The following NRG3 variants were observed in gnomAD, a reference collection of about 807,000 sequenced individuals.
NRG3 encodes pro-neuregulin-3, membrane-bound isoform.
In NRG3, 31 loss-of-function variants were observed where a neutral mutation model predicts 66.9. The observed-to-expected ratio is 0.46, with a 90% CI of 0.35 to 0.63. The LOEUF (loss-of-function observed/expected upper bound fraction) is 0.63. Among genes scored for constraint, NRG3 ranks in the 20% least tolerant of loss-of-function variants. The pLI is 0.00. For missense variants in NRG3, 910 were observed against 878.9 expected (o/e 1.04, Z -0.45); for synonymous variants, 393 against 359.4 (o/e 1.09, Z -1.06).
intron 1 of NRG3, among the ~76,000 whole-genome samples, chr10:82,009,815 G>A (rs780577147): frequency 6.6e-6 from 1 of 152,192 alleles, no homozygotes; most frequent in African/African-American, 2.4e-5. Flanking sequence ...CCTCCTTTGG[G>A]CATTTGCCTT....
At chr10:82,049,309 TC>T (rs1478504576) in intron 1 of NRG3, among the ~76,000 whole-genome samples, 1 of 152,106 alleles carries the variant, frequency 6.6e-6, no homozygotes, top group African/African-American at 2.4e-5. Context: ...AGAGGACCCT[TC>T]ATCATTTTCA....
At chr10:81,905,217 C>T (rs761845463) in intron 1 of NRG3, among the ~76,000 whole-genome samples, 3 of 152,318 alleles carry the variant, frequency 2.0e-5, no homozygotes, top group Middle Eastern at 3.4e-3. Context: ...AACCACTCTT[C>T]GTTTTTTTCC....
chr10:82,740,014 T>A (rs111333990), intron 3 of NRG3, among the ~76,000 whole-genome samples: 1 of 151,778 alleles, frequency 6.6e-6, no homozygotes. Flanking sequence ...CTCTCTTTTT[T>A]CCTCACTTTT....
At chr10:82,315,871 G>C (rs977955266) in intron 1 of NRG3, among the ~76,000 whole-genome samples, 1 of 151,976 alleles carries the variant, frequency 6.6e-6, no homozygotes, top group Non-Finnish European at 1.5e-5. Context: ...TCACCATGTG[G>C]CCAGGCTGGT....
intron 2 of NRG3, among the ~76,000 whole-genome samples, chr10:82,659,654 G>A (rs2219937): frequency 0.075 from 11,334 of 151,652 alleles, 1,104 homozygotes; most frequent in African/African-American, 0.23. Flanking sequence ...TCCGTCTCCA[G>A]CAAAACAAAG....
chr10:82,108,197 G>T (rs554821864), intron 1 of NRG3, among the ~76,000 whole-genome samples: 1 of 152,302 alleles, frequency 6.6e-6, no homozygotes, highest in Non-Finnish European at 1.5e-5. Context: ...TATTACAGAT[G>T]ATTTAGACTC....
intron 1 of NRG3, among the ~76,000 whole-genome samples, chr10:82,089,116 G>A (rs1156232746): frequency 6.6e-6 from 1 of 152,010 alleles, no homozygotes; most frequent in Non-Finnish European, 1.5e-5. Flanking sequence ...CCAGGTACAA[G>A]TCTACAGTTA....
intron 3 of NRG3, among the ~76,000 whole-genome samples, chr10:82,836,545 C>T (rs1328835570): frequency 2.0e-5 from 3 of 152,096 alleles, no homozygotes; most frequent in Non-Finnish European, 4.4e-5. Context: ...TAACTGAACA[C>T]AATACCTTTA....
intron 3 of NRG3, among the ~76,000 whole-genome samples, chr10:82,747,408 T>A (rs938236351): frequency 2.6e-5 from 4 of 152,064 alleles, no homozygotes; most frequent in Non-Finnish European, 4.4e-5. Flanking sequence ...TCCTAGATTT[T>A]GATATATTTT....
At chr10:82,237,218 C>A (rs1192044067) in intron 1 of NRG3, among the ~76,000 whole-genome samples, 4 of 152,226 alleles carry the variant, frequency 2.6e-5, no homozygotes, top group African/African-American at 7.2e-5. Flanking sequence ...ATGTCAGTAG[C>A]TTTTAAGACC....
chr10:82,930,670 G>T (rs1444305867), intron 4 of NRG3, among the ~76,000 whole-genome samples: 1 of 152,108 alleles, frequency 6.6e-6, no homozygotes, highest in Non-Finnish European at 1.5e-5. Flanking sequence ...TTCTTTTAGG[G>T]TATAGGAACA....
chr10:82,547,495 A>ATG (rs931952821), intron 2 of NRG3, among the ~76,000 whole-genome samples: 13 of 128,624 alleles, frequency 1.0e-4, no homozygotes, highest in South Asian at 2.2e-4. Flanking sequence ...GTATATACAT[A>ATG]TGTGTATATA....
At chr10:82,791,775 C>T (rs2060598113) in intron 3 of NRG3, among the ~76,000 whole-genome samples, 1 of 152,168 alleles carries the variant, frequency 6.6e-6, no homozygotes, top group Admixed American at 6.6e-5. Context: ...AGGCATCAGC[C>T]ACGTTAAACA....
intron 2 of NRG3, among the ~76,000 whole-genome samples, chr10:82,651,837 A>C (rs2133894674): frequency 6.6e-6 from 1 of 152,362 alleles, no homozygotes; most frequent in Non-Finnish European, 1.5e-5. Flanking sequence ...AAACCTGCTC[A>C]GTCCCAGTCA....
intron 4 of NRG3, among the ~76,000 whole-genome samples, chr10:82,887,104 C>T (rs186812432): frequency 6.6e-6 from 1 of 152,278 alleles, no homozygotes; most frequent in East Asian, 1.9e-4. Context: ...AGGTTCTACT[C>T]CTAGACGCTG....
chr10:82,509,725 A>T (rs889284545), intron 2 of NRG3, among the ~76,000 whole-genome samples: 1 of 152,178 alleles, frequency 6.6e-6, no homozygotes, highest in Admixed American at 6.5e-5. Context: ...TAAAATACAC[A>T]TAGGATTATT....
intron 1 of NRG3, among the ~76,000 whole-genome samples, chr10:82,087,337 C>G (rs1168866470): frequency 1.3e-5 from 2 of 152,038 alleles, no homozygotes; most frequent in Non-Finnish European, 2.9e-5. Flanking sequence ...CTGCAAAGCC[C>G]GCCTCTTTTG....
intron 2 of NRG3, among the ~76,000 whole-genome samples, chr10:82,393,339 C>G (rs2086511664): frequency 6.6e-6 from 1 of 152,094 alleles, no homozygotes; most frequent in South Asian, 2.1e-4. Context: ...ACCGAGGAGA[C>G]AGGTGCATCC....
At position 82,146,684 on chromosome 10, in the gene NRG3, G is replaced by A. The variant is rs143122616; in HGVS notation, c.824-212055G>A. ...TACAGTAGATACTTTAATTTTGGTC[G>A]TTGGGGTATGGAAGGAGGTGGGAAG... On this transcript the variant is annotated intron_variant, in intron 1 of 8. Coordinates refer to ENST00000372141, the MANE Select transcript of NRG3 (RefSeq NM_001010848.4). Among the ~76,000 whole-genome samples, 798 of 152,210 alleles carry A rather than the reference G, an allele frequency of 5.2e-3. 1 individual carries two copies. Among genetic ancestry groups the A allele is most frequent in the Admixed American group, 0.01 (155 of 15,282 alleles).
Sources: gnomAD v4.1 joint callset for allele counts (sites outside exome capture counted in the v4.1 genomes callset) on GRCh38, gnomAD v4.1.1 for gene constraint, MANE v1.5 for transcripts, NCBI Gene and HGNC (gene_info 2026-07-23, HGNC 2026-07-21) for gene names.